CFAP54: variants seen among roughly 807,000 people sequenced by gnomAD.
CFAP54 encodes cilia and flagella associated protein 54.
Under a neutral mutation model 370.4 loss-of-function variants are expected in CFAP54, and 290 were observed. The ratio of observed to expected loss-of-function variants is 0.78; its 90% CI spans 0.71 to 0.86. CFAP54 has a LOEUF of 0.86. CFAP54 is among the 40% of genes least tolerant of loss of function. The probability of loss-of-function intolerance (pLI) is 0.00; values close to 1 mark genes in which losing one functional copy is unlikely to be tolerated. For missense variants in CFAP54, 3,399 were observed against 3,528.7 expected (o/e 0.96, Z 0.93); for synonymous variants, 1,206 against 1,236.5 (o/e 0.98, Z 0.52).
At chr12:96,603,810 T>A (rs1412907341) in intron 26 of CFAP54, among the ~76,000 whole-genome samples, 1 of 152,212 alleles carries the variant, frequency 6.6e-6, no homozygotes, top group Non-Finnish European at 1.5e-5. Flanking sequence ...CTACATCAGG[T>A]CATTTAAGGT....
chr12:96,868,163 G>A (rs17025998), intron 67 of CFAP54, among the ~76,000 whole-genome samples: 2,328 of 152,152 alleles, frequency 0.015, 72 homozygotes, highest in African/African-American at 0.053. Context: ...TAACACATAG[G>A]TGCTCTTATC....
intron 35 of CFAP54, among the ~76,000 whole-genome samples, chr12:96,650,520 C>T (rs936509144): frequency 3.3e-5 from 5 of 152,222 alleles, no homozygotes; most frequent in Middle Eastern, 3.4e-3. Flanking sequence ...CCCTTGCCCC[C>T]GGTCTCCTTC....
chr12:96,698,726 AC>A (rs1402691449), intron 45 of CFAP54, among the ~76,000 whole-genome samples: 9 of 152,174 alleles, frequency 5.9e-5, no homozygotes, highest in African/African-American at 2.2e-4. Context: ...ACAATTGGGT[AC>A]TATACTTGTC....
intron 26 of CFAP54, among the ~76,000 whole-genome samples, chr12:96,612,252 G>T (rs1374939935): frequency 3.3e-5 from 5 of 152,158 alleles, no homozygotes; most frequent in African/African-American, 9.7e-5. Flanking sequence ...TTAAAGAAAA[G>T]AATTTTAAAC....
intron 63 of CFAP54, 119 bp downstream of exon 63, chr12:96,792,618 TA>T (rs1398872300): frequency 1.5e-6 from 1 of 676,798 alleles, no homozygotes; most frequent in East Asian, 3.0e-5. Flanking sequence ...GGTATCAATA[TA>T]TAATCTACAT....
At chr12:96,633,742 A>C (rs560474133) in intron 32 of CFAP54, among the ~76,000 whole-genome samples, 1 of 152,330 alleles carries the variant, frequency 6.6e-6, no homozygotes, top group South Asian at 2.1e-4. Flanking sequence ...TGCTGTGATG[A>C]ACATTCATGT....
chr12:96,786,308 G>A (rs1958628405), intron 61 of CFAP54, among the ~76,000 whole-genome samples: 1 of 151,490 alleles, frequency 6.6e-6, no homozygotes, highest in Admixed American at 6.6e-5. Context: ...AGGCTTCTGA[G>A]TAGCTGGGAT....
chr12:96,743,235 A>G (rs1381286694), intron 52 of CFAP54, among the ~76,000 whole-genome samples, 167 bp from the exon 53 acceptor site: 1 of 152,166 alleles, frequency 6.6e-6, no homozygotes, highest in Non-Finnish European at 1.5e-5. Flanking sequence ...CCCAAATTAC[A>G]ACACATTTAT....
chr12:96,504,947 TTCTTTTTC>T (rs1340188168), intron 3 of CFAP54, among the ~76,000 whole-genome samples: 3 of 142,806 alleles, frequency 2.1e-5, no homozygotes, highest in South Asian at 2.2e-4. Context: ...TCCTCTTTCT[TTCTTTTTC>T]TTTCTTTCTT....
At chr12:96,666,673 A>G (rs916081911) in intron 39 of CFAP54, among the ~76,000 whole-genome samples, 2 of 152,174 alleles carry the variant, frequency 1.3e-5, no homozygotes, top group Non-Finnish European at 2.9e-5. Context: ...GTTACCTCCC[A>G]CTGGGTCCCT....
intron 36 of CFAP54, among the ~76,000 whole-genome samples, chr12:96,655,113 G>A (rs1956907126): frequency 6.6e-6 from 1 of 151,710 alleles, no homozygotes; most frequent in Admixed American, 6.6e-5. Context: ...ATGGTAATTA[G>A]GAGAGTATGA....
chr12:96,504,105 A>G (rs1422817853), intron 3 of CFAP54, 76 bp downstream of exon 3: 8 of 1,346,810 alleles, frequency 5.9e-6, no homozygotes, highest in Admixed American at 6.3e-5. Flanking sequence ...GACAGCTTCT[A>G]AATGTCTTGT....
intron 38 of CFAP54, among the ~76,000 whole-genome samples, chr12:96,659,678 A>G (rs1215057539): frequency 6.6e-6 from 1 of 152,238 alleles, no homozygotes; most frequent in Non-Finnish European, 1.5e-5. Context: ...AAAAGAGATA[A>G]GTACATTTTT....
chr12:96,679,984 G>A (rs917375963), intron 40 of CFAP54, among the ~76,000 whole-genome samples: 1 of 152,182 alleles, frequency 6.6e-6, no homozygotes, highest in Admixed American at 6.5e-5. Flanking sequence ...TCTCTTGAGT[G>A]TATTAGATGT....
chr12:96,496,928 T>C (rs924835637), intron 1 of CFAP54, among the ~76,000 whole-genome samples: 1 of 152,238 alleles, frequency 6.6e-6, no homozygotes, highest in East Asian at 1.9e-4. Context: ...TGTTTTTATT[T>C]TACTTGGTGG....
At chr12:96,850,337 C>G (rs1318175608) in intron 66 of CFAP54, among the ~76,000 whole-genome samples, 1 of 99,852 alleles carries the variant, frequency 1.0e-5, no homozygotes, top group Non-Finnish European at 2.1e-5. Flanking sequence ...GAGACTCTGT[C>G]TTAAAAAAAA....
intron 26 of CFAP54, among the ~76,000 whole-genome samples, chr12:96,617,175 G>A (rs2136461114): frequency 6.6e-6 from 1 of 152,296 alleles, no homozygotes; most frequent in East Asian, 1.9e-4. Context: ...GTAGTGAATG[G>A]GGAGAAGGTA....
intron 60 of CFAP54, among the ~76,000 whole-genome samples, chr12:96,769,577 G>A (rs186174566): frequency 7.4e-4 from 113 of 151,996 alleles, no homozygotes; most frequent in East Asian, 3.9e-3. Context: ...ACACAGCTGC[G>A]CAGCCAGCTC....
intron 62 of CFAP54, among the ~76,000 whole-genome samples, chr12:96,791,846 T>A (rs982472416): frequency 6.6e-6 from 1 of 151,288 alleles, no homozygotes; most frequent in Admixed American, 6.6e-5. Flanking sequence ...GAAGCATTTT[T>A]TTTTCTTTTT....
Sources: allele counts gnomAD v4.1 joint callset (sites outside exome capture counted in the v4.1 genomes callset), GRCh38; gene constraint gnomAD v4.1.1; transcripts MANE v1.5; gene names NCBI Gene and HGNC (gene_info 2026-07-23, HGNC 2026-07-21).